STK3: variants seen among roughly 807,000 people sequenced by gnomAD.
STK3 encodes the protein serine/threonine kinase 3, also known as serine/threonine-protein kinase 3.
A neutral mutation model predicts 58.0 loss-of-function variants in STK3; 41 were observed. The ratio of observed to expected loss-of-function variants is 0.71; its 90% confidence interval spans 0.55 to 0.92. The LOEUF (loss-of-function observed/expected upper bound fraction) is 0.92. Among genes scored for constraint, STK3 ranks in the 40% least tolerant of loss-of-function variants. The pLI is 0.00. For missense variants in STK3, 479 were observed against 602.7 expected (o/e 0.79, Z 2.15); for synonymous variants, 170 against 191.0 (o/e 0.89, Z 0.91).
At chr8:98,363,474 C>T in the STK3 span, among the ~76,000 whole-genome samples, 3 of 152,108 alleles carry the variant, frequency 2.0e-5, no homozygotes, top group African/African-American at 7.2e-5. Context: ...CCCCCAAGGA[C>T]CATGCCTACC....
intron 1 of STK3, among the ~76,000 whole-genome samples, chr8:98,439,509 C>A (rs1197958693): frequency 6.6e-6 from 1 of 152,118 alleles, no homozygotes; most frequent in Non-Finnish European, 1.5e-5. Context: ...GCCAGATATT[C>A]CCCTCAGGTA....
At chr8:98,941,802 C>T (rs1001691918) in intron 1 of STK3, among the ~76,000 whole-genome samples, 3 of 152,262 alleles carry the variant, frequency 2.0e-5, no homozygotes, top group Non-Finnish European at 4.4e-5. Flanking sequence ...GCTGCTCGCG[C>T]GCCCCTCGTC....
chr8:98,558,126 A>G (rs182101546), intron 8 of STK3, among the ~76,000 whole-genome samples: 1 of 152,268 alleles, frequency 6.6e-6, no homozygotes, highest in East Asian at 1.9e-4. Context: ...GGATTGACAA[A>G]TATAAAGAAA....
chr8:98,675,850 C>A (rs909955056), intron 6 of STK3, among the ~76,000 whole-genome samples: 1 of 150,122 alleles, frequency 6.7e-6, no homozygotes, highest in Non-Finnish European at 1.5e-5. Context: ...GGTGACAGAG[C>A]GAGACTCTGT....
intron 6 of STK3, among the ~76,000 whole-genome samples, chr8:98,655,120 C>A (rs1236390976): frequency 1.3e-5 from 2 of 151,954 alleles, no homozygotes; most frequent in Non-Finnish European, 2.9e-5. Flanking sequence ...CAGCATGGTA[C>A]TGGTACCAAA....
chr8:98,940,767 T>C (rs1840389006), intron 1 of STK3, among the ~76,000 whole-genome samples: 1 of 152,170 alleles, frequency 6.6e-6, no homozygotes, highest in Non-Finnish European at 1.5e-5. Context: ...GGTATCTTTC[T>C]CCTCCTCTGG....
chr8:98,464,197 A>C (rs564522677), intron 10 of STK3, among the ~76,000 whole-genome samples: 1 of 152,288 alleles, frequency 6.6e-6, no homozygotes, highest in East Asian at 1.9e-4. Context: ...AGAATTTTCT[A>C]TGGCAGTTTT....
At chr8:98,750,478 G>C (rs1829903120) in intron 3 of STK3, among the ~76,000 whole-genome samples, 1 of 151,028 alleles carries the variant, frequency 6.6e-6, no homozygotes, top group Non-Finnish European at 1.5e-5. Context: ...AAAAAAAATT[G>C]AAAGTACAAT....
At chr8:98,568,211 G>T (rs1292847172) in intron 8 of STK3, among the ~76,000 whole-genome samples, 1 of 152,084 alleles carries the variant, frequency 6.6e-6, no homozygotes, top group Non-Finnish European at 1.5e-5. Context: ...GAACACACAG[G>T]TTTACACCTA....
At chr8:98,751,209 C>T (rs1379338845) in intron 3 of STK3, among the ~76,000 whole-genome samples, 1 of 152,176 alleles carries the variant, frequency 6.6e-6, no homozygotes, top group Non-Finnish European at 1.5e-5. Flanking sequence ...CAAGGATGGA[C>T]TCTCTCACCA....
intron 3 of STK3, among the ~76,000 whole-genome samples, chr8:98,862,632 C>T (rs979093442): frequency 6.6e-6 from 1 of 152,220 alleles, no homozygotes; most frequent in African/African-American, 2.4e-5. Flanking sequence ...TTGGAACTCT[C>T]AAATATCACC....
chr8:98,742,735 T>A (rs940546189), intron 4 of STK3, among the ~76,000 whole-genome samples: 1 of 151,642 alleles, frequency 6.6e-6, no homozygotes, highest in Non-Finnish European at 1.5e-5. Flanking sequence ...GCCAGGGCAA[T>A]TAGGCAGGAG....
At chr8:98,494,920 C>A (rs1823008250) in intron 10 of STK3, among the ~76,000 whole-genome samples, 1 of 152,180 alleles carries the variant, frequency 6.6e-6, no homozygotes, top group African/African-American at 2.4e-5. Flanking sequence ...GAAGGTTCAG[C>A]TTTGTGCTTC....
At chr8:98,905,464 T>G (rs1838857763) in intron 1 of STK3, 1 of 1,269,352 alleles carries the variant, frequency 7.9e-7, no homozygotes, top group Non-Finnish European at 1.2e-6. Flanking sequence ...TTATTCTTGC[T>G]GGCTTCCACG....
chr8:98,628,690 T>C (rs1049197532), intron 6 of STK3, among the ~76,000 whole-genome samples: 2 of 151,938 alleles, frequency 1.3e-5, no homozygotes, highest in African/African-American at 4.8e-5. Context: ...TGTTCCCAGC[T>C]ACTCAGGAGG....
intron 3 of STK3, among the ~76,000 whole-genome samples, chr8:98,833,315 G>A (rs1326218015): frequency 6.6e-6 from 1 of 152,154 alleles, no homozygotes; most frequent in Non-Finnish European, 1.5e-5. Flanking sequence ...TCAGCAGAAA[G>A]AAAGTCTTGT....
At chr8:98,375,279 AAC>A (rs386413454) in intron 2 of STK3, among the ~76,000 whole-genome samples, 3 of 148,632 alleles carry the variant, frequency 2.0e-5, no homozygotes, top group African/African-American at 7.5e-5. Flanking sequence ...AACAAAAAAA[AAC>A]AAAAAAAAAA....
intron 1 of STK3, among the ~76,000 whole-genome samples, chr8:98,938,965 AC>A (rs1289487023): frequency 6.6e-6 from 1 of 152,182 alleles, no homozygotes; most frequent in Non-Finnish European, 1.5e-5. Context: ...CTAATTAACA[AC>A]AACTGGCCGT....
At chr8:98,362,721 T>A in the STK3 span, among the ~76,000 whole-genome samples, 1 of 152,036 alleles carries the variant, frequency 6.6e-6, no homozygotes, top group Non-Finnish European at 1.5e-5. Flanking sequence ...TGGGGTGAAG[T>A]GGGGCAAAAG....
Sources: gnomAD v4.1 joint callset for allele counts (sites outside exome capture counted in the v4.1 genomes callset) on GRCh38, gnomAD v4.1.1 for gene constraint, MANE v1.5 for transcripts, NCBI Gene and HGNC (gene_info 2026-07-23, HGNC 2026-07-21) for gene names.